The following EFR3B variants were observed in gnomAD, a reference collection of about 807,000 sequenced individuals.
EFR3B encodes EFR3 homolog B.
EFR3B carries 64 observed loss-of-function variants against 104.7 expected under a neutral mutation model. The observed-to-expected ratio is 0.61, with a 90% CI of 0.50 to 0.75. The LOEUF (loss-of-function observed/expected upper bound fraction) is 0.75. Among genes scored for constraint, EFR3B ranks in the 30% least tolerant of loss-of-function variants. The pLI, the probability that EFR3B is intolerant of heterozygous loss-of-function variation, is 0.00. For missense variants in EFR3B, 750 were observed against 1,078.5 expected (o/e 0.70, Z 4.27); for synonymous variants, 385 against 417.9 (o/e 0.92, Z 0.96).
chr2:25,119,060 T>C (rs1014006748), intron 4 of EFR3B, among the ~76,000 whole-genome samples: 8 of 152,174 alleles, frequency 5.3e-5, no homozygotes, highest in Admixed American at 4.6e-4. Flanking sequence ...TTTCTCTTTA[T>C]TATTGGCCTC....
intron 15 of EFR3B, 149 bp from the exon 16 acceptor site, chr2:25,138,910 C>A: frequency 8.7e-7 from 1 of 1,145,250 alleles, no homozygotes; most frequent in Non-Finnish European, 1.2e-6. Flanking sequence ...CTTTTTTCCC[C>A]CAGGAAGGTT....
intron 1 of EFR3B, among the ~76,000 whole-genome samples, chr2:25,045,672 C>T (rs1208459740): frequency 1.3e-5 from 2 of 151,938 alleles, no homozygotes; most frequent in Admixed American, 1.3e-4. Context: ...ATCCCGGTTA[C>T]TCGGGAGACT....
chr2:25,066,349 C>A (rs1165939957), intron 1 of EFR3B, among the ~76,000 whole-genome samples: 1 of 152,200 alleles, frequency 6.6e-6, no homozygotes, highest in Non-Finnish European at 1.5e-5. Context: ...GTCATGATGA[C>A]AGCTTTCCCC....
intron 1 of EFR3B, among the ~76,000 whole-genome samples, chr2:25,068,151 G>A (rs1222451263): frequency 6.6e-6 from 1 of 152,084 alleles, no homozygotes; most frequent in East Asian, 1.9e-4. Flanking sequence ...CTCACCCCTG[G>A]TTCTCCTGGA....
chr2:25,154,389 C>A lies in EFR3B; in HGVS notation c.*49C>A. On this transcript the variant is annotated 3_prime_UTR_variant, in exon 23 of 23. Transcript: ENST00000403714. This position sits in a 1 kb window ranked among gnomAD's most constrained non-coding sequence, Gnocchi z 4.1. ...AGGAGATGGGGTCTGAGGAGGGGCT[C>A]ACCTCACGCCCACCCCGACCACATG... 1 of 1,482,310 alleles carries A rather than the reference C, an allele frequency of 6.7e-7. No individual in the cohort carries two copies. Among genetic ancestry groups the A allele is most frequent in the East Asian group, 2.5e-5 (1 of 40,502 alleles). The allele number at this position is 1,482,310 out of a possible 1,614,324, so 91.8% of individuals were successfully genotyped here. A position where few individuals can be genotyped will look rare whatever the true frequency, so the allele number is the denominator to read the frequency against.
intron 1 of EFR3B, among the ~76,000 whole-genome samples, chr2:25,069,948 C>T (rs1310772784): frequency 5.3e-5 from 8 of 152,178 alleles, no homozygotes; most frequent in Admixed American, 2.6e-4. Flanking sequence ...CTGCCTGCCT[C>T]GGCCTCCCAA....
chr2:25,133,036 G>C, intron 11 of EFR3B, 22 bp downstream of exon 11: 1 of 1,543,132 alleles, frequency 6.5e-7, no homozygotes, highest in South Asian at 1.2e-5. Context: ...ATCTCCCCCA[G>C]CCTGGAGTCC....
chr2:25,143,707 C>T (rs1212761962), intron 17 of EFR3B, 28 bp from the exon 18 acceptor site: 24 of 1,550,652 alleles, frequency 1.5e-5, no homozygotes, highest in East Asian at 1.2e-4. Context: ...GCGGTTCTAA[C>T]GAACTTTCTC....
intron 1 of EFR3B, among the ~76,000 whole-genome samples, chr2:25,073,051 C>CATT (rs1210808540): frequency 6.6e-6 from 1 of 152,182 alleles, no homozygotes; most frequent in African/African-American, 2.4e-5. Flanking sequence ...AGATTTGATG[C>CATT]ATTATTGTGG....
chr2:25,118,829 A>G (rs1277060800), intron 4 of EFR3B, among the ~76,000 whole-genome samples: 2 of 151,168 alleles, frequency 1.3e-5, no homozygotes, highest in East Asian at 1.9e-4. Flanking sequence ...TCATGACATC[A>G]GGAGATGGAG....
chr2:25,049,632 C>CT (rs1667811138), intron 1 of EFR3B, among the ~76,000 whole-genome samples: 1 of 152,172 alleles, frequency 6.6e-6, no homozygotes, highest in South Asian at 2.1e-4. Flanking sequence ...GTGGAGTCAT[C>CT]TGGGCAGGCT....
At chr2:25,067,562 G>A (rs1668374015) in intron 1 of EFR3B, among the ~76,000 whole-genome samples, 1 of 151,958 alleles carries the variant, frequency 6.6e-6, no homozygotes, top group East Asian at 1.9e-4. Context: ...AGCCTCCCAA[G>A]TAGCTGGGAC....
At chr2:25,108,520 CCA>C (rs1389941507) in intron 4 of EFR3B, among the ~76,000 whole-genome samples, 1 of 152,118 alleles carries the variant, frequency 6.6e-6, no homozygotes, top group Non-Finnish European at 1.5e-5. Flanking sequence ...CTATTTCACA[CCA>C]CACACAAAAA....
intron 19 of EFR3B, among the ~76,000 whole-genome samples, chr2:25,148,498 G>A (rs987299503): frequency 8.6e-5 from 13 of 150,968 alleles, no homozygotes; most frequent in South Asian, 2.1e-4. Flanking sequence ...CAAGTGATCC[G>A]CCCGCCTCAG....
intron 3 of EFR3B, among the ~76,000 whole-genome samples, chr2:25,100,546 G>A (rs1182244616): frequency 1.3e-5 from 2 of 152,088 alleles, no homozygotes; most frequent in East Asian, 3.9e-4. Flanking sequence ...AGGCCGGAGT[G>A]CAGTGGCGCT....
chr2:25,152,813 AGT>A lies in EFR3B; in HGVS notation c.2298+822_2298+823del, dbSNP rs60834744. Among the ~76,000 whole-genome samples, 1,274 of 141,328 alleles carry A rather than the reference AGT, an allele frequency of 9.0e-3. 10 individuals carry two copies. The highest frequency in any genetic ancestry group is 0.022 in the African/African-American group (908 of 40,564). 92.7% of individuals were successfully genotyped at this position (141,328 alleles called of 152,430 possible). On this transcript the variant is annotated intron_variant, in intron 21 of 22. Coordinates refer to ENST00000403714, the MANE Select transcript of EFR3B (RefSeq NM_014971.2). Reference sequence around the variant, plus strand: ...ATTTTATATATAATATTCATATAGAAGTGTGTGTGTGTGTGTGTGTGTGTGTG... The same window carrying A: ...ATTTTATATATAATATTCATATAGAAGTGTGTGTGTGTGTGTGTGTGTGTG...
chr2:25,110,527 T>C (rs1669695808), intron 4 of EFR3B, among the ~76,000 whole-genome samples: 1 of 152,154 alleles, frequency 6.6e-6, no homozygotes, highest in South Asian at 2.1e-4. Flanking sequence ...GTGCCCATCT[T>C]CTTCCTCTCC....
chr2:25,128,920 G>A (rs546333157), intron 6 of EFR3B, among the ~76,000 whole-genome samples: 2 of 126,106 alleles, frequency 1.6e-5, no homozygotes, highest in South Asian at 2.6e-4. Flanking sequence ...AGATCGCGCC[G>A]CTGCACTTAC....
At chr2:25,093,347 A>G (rs1014639272) in intron 3 of EFR3B, among the ~76,000 whole-genome samples, 5 of 152,124 alleles carry the variant, frequency 3.3e-5, no homozygotes, top group Admixed American at 3.3e-4. Context: ...TTTAAAAATT[A>G]GCCAGGTGTG....
Sources: allele counts gnomAD v4.1 joint callset (sites outside exome capture counted in the v4.1 genomes callset), GRCh38; gene constraint gnomAD v4.1.1; non-coding constraint Gnocchi (gnomAD v3.1); transcripts MANE v1.5; gene names NCBI Gene and HGNC (gene_info 2026-07-23, HGNC 2026-07-21).